MYO1E: variants seen among roughly 807,000 people sequenced by gnomAD.
MYO1E encodes the protein unconventional myosin-Ie.
A neutral mutation model predicts 151.1 loss-of-function variants in MYO1E; 68 were observed. That is an observed-to-expected ratio of 0.45 (90% CI 0.37 to 0.55). The LOEUF (loss-of-function observed/expected upper bound fraction) is 0.55. Ranked by LOEUF, MYO1E falls within the 20% of genes least tolerant of loss-of-function variation. MYO1E has a pLI of 0.00. For synonymous variants in MYO1E, 601 were observed against 501.7 expected, an observed-to-expected ratio of 1.20 and a Z score of -2.64; for missense variants, 1,363 against 1,389.3, an observed-to-expected ratio of 0.98 and a Z score of 0.30.
chr15:59,241,296 A>C (rs2080098274), intron 4 of MYO1E, among the ~76,000 whole-genome samples: 1 of 152,192 alleles, frequency 6.6e-6, no homozygotes, highest in African/African-American at 2.4e-5. Context: ...GGAGTTGGAG[A>C]ACCAGCCTTA....
intron 1 of MYO1E, among the ~76,000 whole-genome samples, chr15:59,368,287 C>T (rs2080925742): frequency 1.3e-5 from 2 of 152,184 alleles, no homozygotes; most frequent in Non-Finnish European, 2.9e-5. Flanking sequence ...TCTCTAGAGG[C>T]CAGCCTCCCT....
intron 1 of MYO1E, among the ~76,000 whole-genome samples, chr15:59,296,856 T>C (rs867009040): frequency 1.3e-4 from 19 of 149,830 alleles, no homozygotes; most frequent in Admixed American, 9.3e-4. Flanking sequence ...TTTTTTTTTT[T>C]TGAGATGGAA....
In MYO1E at chr15:59,231,763, T is replaced by C; in HGVS notation, c.449A>G (p.Asn150Ser). 3.7e-6 allele frequency: 6 copies of C among 1,614,122 alleles called. No individual in the cohort carries two copies. The highest frequency in any genetic ancestry group is 5.1e-6 in the Non-Finnish European group (6 of 1,180,002). Residue 150 changes from asparagine (N) to serine (S), a missense_variant, in exon 6 of 28, where the codon AAC becomes AGC. Physicochemically the swap from Asn to Ser is conservative, Grantham distance 46 (BLOSUM62 1). Transcript: ENST00000288235. The stretch of plus-strand genomic sequence containing the variant: ...GTTCCCGAAGGCCTCCAGCAGCGGG[T>C]TGGACTGCAGGATAATGTCCTTCAC... ...QHVKDIILQS[N>S]PLLEAFGNAK...
Position 59,210,152 on chromosome 15 carries a change from G to A in MYO1E, c.1362+362C>T, listed in dbSNP as rs180701306. On this transcript the variant is annotated intron_variant, in intron 13 of 27. Coordinates refer to ENST00000288235, the MANE Select transcript of MYO1E (RefSeq NM_004998.4). ...CAAAGTACTGGGATTACAGGCACGA[G>A]CCACCATGACCAGCCTGAATCAGTC... Among the ~76,000 whole-genome samples the A allele has an allele frequency of 5.3e-5, 8 of 152,204 alleles. No homozygotes were observed. The South Asian group carries it at 1.0e-3, about 20-fold the overall frequency.
At chr15:59,363,701 G>A (rs1357482356) in intron 1 of MYO1E, among the ~76,000 whole-genome samples, 8 of 152,158 alleles carry the variant, frequency 5.3e-5, no homozygotes, top group East Asian at 3.8e-4. Context: ...AGAATGAAAT[G>A]AAATCATGTA....
intron 16 of MYO1E, among the ~76,000 whole-genome samples, chr15:59,198,465 A>C (rs191432294): frequency 6.6e-6 from 1 of 152,270 alleles, no homozygotes. Context: ...CTGTAAACTA[A>C]GTAGGTTGAA....
chr15:59,215,279 C>T (rs2079906291), intron 10 of MYO1E, among the ~76,000 whole-genome samples: 1 of 152,162 alleles, frequency 6.6e-6, no homozygotes, highest in South Asian at 2.1e-4. Flanking sequence ...TAAACATTCA[C>T]CTTTGCCAGG....
intron 9 of MYO1E, 56 bp from the exon 10 acceptor site, chr15:59,218,143 C>A (rs2079931517): frequency 9.4e-6 from 15 of 1,595,560 alleles, no homozygotes; most frequent in Non-Finnish European, 1.2e-5. Flanking sequence ...ACTTCCAAGT[C>A]ATCTCACAAA....
chr15:59,317,555 A>G (rs1175645832), intron 1 of MYO1E, among the ~76,000 whole-genome samples: 1 of 144,170 alleles, frequency 6.9e-6, no homozygotes, highest in Non-Finnish European at 1.5e-5. Context: ...CAAACCTAGT[A>G]TGACTATACA....
At chr15:59,195,680 A>C in intron 16 of MYO1E, 113 bp from the exon 17 acceptor site, 2 of 1,060,008 alleles carry the variant, frequency 1.9e-6, no homozygotes, top group Non-Finnish European at 2.9e-6. Context: ...ATTAATCTTC[A>C]TGACAATTTG....
At chr15:59,180,757 C>CGGAGAGAAAG (rs2079653526) in intron 18 of MYO1E, among the ~76,000 whole-genome samples, 1 of 152,148 alleles carries the variant, frequency 6.6e-6, no homozygotes, top group East Asian at 1.9e-4. Flanking sequence ...CAAGTGTACC[C>CGGAGAGAAAG]AGGCCACTCT....
At chr15:59,332,855 G>A (rs191004384) in intron 1 of MYO1E, among the ~76,000 whole-genome samples, 9 of 151,888 alleles carry the variant, frequency 5.9e-5, no homozygotes, top group African/African-American at 2.2e-4. Context: ...GAGCCACCAC[G>A]ACCGGCCCTG....
At chr15:59,211,313 C>T (rs1312990345) in intron 12 of MYO1E, among the ~76,000 whole-genome samples, 1 of 152,098 alleles carries the variant, frequency 6.6e-6, no homozygotes, top group African/African-American at 2.4e-5. Flanking sequence ...ACCACAACAC[C>T]ATCCTGGTTT....
chr15:59,244,195 A>C (rs567516488), intron 4 of MYO1E, among the ~76,000 whole-genome samples: 1 of 152,326 alleles, frequency 6.6e-6, no homozygotes, highest in African/African-American at 2.4e-5. Flanking sequence ...TGGTGTTGTC[A>C]AGCAAACAAA....
chr15:59,267,669 G>A (rs2080264418), intron 2 of MYO1E, among the ~76,000 whole-genome samples: 1 of 152,234 alleles, frequency 6.6e-6, no homozygotes, highest in African/African-American at 2.4e-5. Flanking sequence ...GTAAAAACAA[G>A]TTTGGAGAAA....
Position 59,136,487 on chromosome 15 carries a change from G to A in MYO1E, c.*893C>T. 2 of 297,234 alleles carry A rather than the reference G, an allele frequency of 6.7e-6. 1 individual carries two copies. The highest frequency in any genetic ancestry group is 6.1e-5 in the South Asian group (2 of 32,658). The allele number at this position is 297,234 out of a possible 1,614,324, so 18.4% of individuals were successfully genotyped here. A position where few individuals can be genotyped will look rare whatever the true frequency, so the allele number is the denominator to read the frequency against. On this transcript the variant is annotated 3_prime_UTR_variant, in exon 28 of 28. Coordinates refer to ENST00000288235, the MANE Select transcript of MYO1E (RefSeq NM_004998.4). ...AGAAAGCAGTGACACTCCGTAGTTGGAAAAAAGCAGAGCACATCTTTAAGT... is the reference window on the plus strand; with the variant it reads ...AGAAAGCAGTGACACTCCGTAGTTGAAAAAAAGCAGAGCACATCTTTAAGT...
intron 16 of MYO1E, among the ~76,000 whole-genome samples, chr15:59,197,118 G>A (rs1309685403): frequency 2.1e-5 from 3 of 144,518 alleles, no homozygotes; most frequent in African/African-American, 7.6e-5. Flanking sequence ...TCCGCCTCCC[G>A]AGTAGCTGGG....
In MYO1E at chr15:59,161,198, C is replaced by T. The variant is rs1430812598; in HGVS notation, c.2660G>A (p.Gly887Asp). Residue 887 changes from glycine to aspartate, a missense_variant, in exon 24 of 28, where the codon GGC becomes GAC. By Grantham distance (94) the Gly-to-Asp change is moderately conservative (BLOSUM62 -1). Coordinates refer to ENST00000288235, the MANE Select transcript of MYO1E (RefSeq NM_004998.4). The stretch of plus-strand genomic sequence containing the variant: ...CCGGGAGCCCCCTGCACTCCAGGGG[C>T]CCCAGTTTTCCTTTTTCAACTTCAG... ...LELKLKKENWGPWSAGGSRQV... is the reference protein window; with the variant it reads ...LELKLKKENWDPWSAGGSRQV... The T allele has an allele frequency of 1.1e-5, 18 of 1,613,738 alleles. No homozygotes were observed. Among genetic ancestry groups the T allele is most frequent in the Non-Finnish European group, 1.4e-5 (16 of 1,179,852 alleles).
chr15:59,303,224 C>T (rs1220160720), intron 1 of MYO1E, among the ~76,000 whole-genome samples: 3 of 152,194 alleles, frequency 2.0e-5, no homozygotes, highest in African/African-American at 7.2e-5. Flanking sequence ...CCAGCCTGAG[C>T]AACGTGGCGA....
Sources: gnomAD v4.1 joint callset for allele counts (sites outside exome capture counted in the v4.1 genomes callset) on GRCh38, gnomAD v4.1.1 for gene constraint, MANE v1.5 for transcripts, NCBI Gene and HGNC (gene_info 2026-07-23, HGNC 2026-07-21) for gene names.